Variants in ABCC8 observed in about 807,000 individuals in gnomAD.
The protein encoded by ABCC8 is ATP binding cassette subfamily C member 8.
ABCC8 carries 137 observed loss-of-function variants against 188.0 expected under a neutral mutation model. The observed-to-expected ratio is 0.73, with a 90% CI of 0.63 to 0.84. ABCC8 has a LOEUF of 0.84. Ranked by LOEUF, ABCC8 falls within the 40% of genes least tolerant of loss-of-function variation. The pLI is 0.00. For synonymous variants in ABCC8, 797 were observed against 846.5 expected, an observed-to-expected ratio of 0.94 and a Z score of 1.01; for missense variants, 1,750 against 2,072.7, an observed-to-expected ratio of 0.84 and a Z score of 3.02.
Position 17,402,766 on chromosome 11 carries a change from A to G in ABCC8, c.3558-13T>C, listed in dbSNP as rs1388407937. 6.2e-7 allele frequency: 1 copy of G among 1,614,154 alleles called. No individual in the cohort carries two copies. The highest frequency in any genetic ancestry group is 1.1e-5 in the South Asian group (1 of 91,070). On this transcript the variant is annotated splice_polypyrimidine_tract_variant and intron_variant, in intron 28 of 38. Coordinates refer to ENST00000389817, the MANE Select transcript of ABCC8 (RefSeq NM_000352.6). The stretch of plus-strand genomic sequence containing the variant: ...CTGCTGCAGGTCCCTGTGGCGGGGA[A>G]CAGAGTGGAACAGTTAAGAGGGCAG...
At chr11:17,428,024 C>G (rs1298391120) in intron 14 of ABCC8, 82 bp from the exon 15 acceptor site, 3 of 1,585,598 alleles carry the variant, frequency 1.9e-6, no homozygotes, top group Non-Finnish European at 1.7e-6. Flanking sequence ...TTCCCCTCCT[C>G]CATGAAAGCC....
chr11:17,466,494 T>C (rs116626919), intron 3 of ABCC8, among the ~76,000 whole-genome samples: 2,573 of 151,808 alleles, frequency 0.017, 79 homozygotes, highest in African/African-American at 0.06. Context: ...ATGGTGGTCG[T>C]CAGGGGCTGT....
chr11:17,421,235 G>A (rs1394813130), intron 16 of ABCC8, among the ~76,000 whole-genome samples: 4 of 152,202 alleles, frequency 2.6e-5, no homozygotes. Context: ...AATCCCTCAA[G>A]GAGCTCAGAG....
chr11:17,406,946 TTGGCCAGCCAGTAGTCGA>T lies in ABCC8; in HGVS notation c.3086_3103del (p.Ile1029_Ala1034del). ...CAGGGTCAGGGCGCTGTCGGTCCAC[TTGGCCAGCCAGTAGTCGA>T]TGGCCACCAGGACCATGTGCTTGAG... On this transcript the variant is annotated inframe_deletion, in exon 25 of 39. Coordinates refer to ENST00000389817, the MANE Select transcript of ABCC8 (RefSeq NM_000352.6). 1 of 1,614,162 alleles carries T rather than the reference TTGGCCAGCCAGTAGTCGA, an allele frequency of 6.2e-7. No homozygotes were observed. Among genetic ancestry groups the T allele is most frequent in the Non-Finnish European group, 8.5e-7 (1 of 1,180,038 alleles).
At chr11:17,441,937 G>A (rs190926428) in intron 10 of ABCC8, among the ~76,000 whole-genome samples, 167 of 152,186 alleles carry the variant, frequency 1.1e-3, no homozygotes, top group Middle Eastern at 3.4e-3. Flanking sequence ...AAAATTAGTC[G>A]GGTGTGGTGG....
intron 16 of ABCC8, among the ~76,000 whole-genome samples, chr11:17,426,609 G>A (rs1040164298): frequency 8.5e-5 from 13 of 152,108 alleles, no homozygotes; most frequent in African/African-American, 3.1e-4. Context: ...GGTCAGTGCA[G>A]CTCAGGACCA....
intron 8 of ABCC8, chr11:17,443,566 G>T: frequency 2.0e-6 from 1 of 509,298 alleles, no homozygotes. Context: ...CTGCAAGGCT[G>T]GTTGAAGCCT....
At chr11:17,412,535 T>G (rs1203046878) in intron 21 of ABCC8, 131 bp downstream of exon 21, 1 of 1,308,018 alleles carries the variant, frequency 7.6e-7, no homozygotes, top group Non-Finnish European at 1.1e-6. Context: ...TAAGGCAATA[T>G]CTCTGGCAGG....
chr11:17,465,360 C>A (rs927958107), intron 3 of ABCC8: 3 of 152,248 alleles, frequency 2.0e-5, no homozygotes, highest in African/African-American at 7.2e-5. Context: ...GTCTGCTTTG[C>A]TCTTCATTAC....
chr11:17,413,875 A>G (rs1479265164), intron 19 of ABCC8, among the ~76,000 whole-genome samples: 1 of 152,118 alleles, frequency 6.6e-6, no homozygotes, highest in African/African-American at 2.4e-5. Context: ...TTCCTCTCAT[A>G]CTTCCCCAGC....
intron 26 of ABCC8, among the ~76,000 whole-genome samples, chr11:17,406,255 G>A (rs567930399): frequency 6.6e-6 from 1 of 152,308 alleles, no homozygotes; most frequent in East Asian, 1.9e-4. Flanking sequence ...AAAACCTGAG[G>A]CTGGCTGAGG....
chr11:17,446,186 G>T (rs535912674), intron 8 of ABCC8, among the ~76,000 whole-genome samples: 2 of 151,934 alleles, frequency 1.3e-5, no homozygotes, highest in Non-Finnish European at 2.9e-5. Context: ...GGCTGGTCTC[G>T]AACTCCTGAC....
At chr11:17,430,545 TG>T (rs201099974) in intron 12 of ABCC8, 9,515 of 472,762 alleles carry the variant, frequency 0.02, 28 homozygotes, top group South Asian at 0.028. Context: ...GGCTCAACAC[TG>T]GTTTTTTTTT....
At chr11:17,393,882 C>T in intron 37 of ABCC8, 123 bp from the exon 38 acceptor site, 4 of 1,591,224 alleles carry the variant, frequency 2.5e-6, no homozygotes, top group Non-Finnish European at 3.4e-6. Context: ...CTAGTCCCAC[C>T]CCCACCCCAC....
At chr11:17,445,938 A>C (rs1446462810) in intron 8 of ABCC8, among the ~76,000 whole-genome samples, 1 of 151,378 alleles carries the variant, frequency 6.6e-6, no homozygotes, top group Non-Finnish European at 1.5e-5. Context: ...GTAACCGTGC[A>C]GCAGGTTTAG....
chr11:17,449,822 T>C (rs972970319), intron 7 of ABCC8, among the ~76,000 whole-genome samples: 2 of 152,246 alleles, frequency 1.3e-5, no homozygotes, highest in African/African-American at 4.8e-5. Context: ...TGTGAGCTAA[T>C]ATACACCATG....
At chr11:17,428,743 A>G in intron 12 of ABCC8, 73 bp from the exon 13 acceptor site, 1 of 1,592,698 alleles carries the variant, frequency 6.3e-7, no homozygotes, top group Non-Finnish European at 8.5e-7. Flanking sequence ...GCAGCCTGAT[A>G]GAGAGCTCTG....
chr11:17,427,953 C>G lies in ABCC8; in HGVS notation c.2041-11G>C. 6.2e-7 allele frequency: 1 copy of G among 1,612,748 alleles called. No homozygotes were observed. Among genetic ancestry groups the G allele is most frequent in the African/African-American group, 1.3e-5 (1 of 75,042 alleles). On this transcript the variant is annotated splice_polypyrimidine_tract_variant and intron_variant, in intron 14 of 38. Transcript: ENST00000389817. The surrounding 1 kb of genome is among the most constrained non-coding windows in gnomAD (Gnocchi z 5.0). ...GTAGCCTCCCATGATCTTCATTAGG[C>G]GTGTCCCACCGCCCAGGAGAGAACA... is the stretch of plus-strand genomic sequence containing the variant.
intron 4 of ABCC8, among the ~76,000 whole-genome samples, chr11:17,463,214 A>G (rs958857371): frequency 1.3e-5 from 2 of 151,428 alleles, no homozygotes; most frequent in Non-Finnish European, 2.9e-5. Context: ...CACACCCATC[A>G]CCCCCCTCTC....
Sources: allele counts gnomAD v4.1 joint callset (sites outside exome capture counted in the v4.1 genomes callset), GRCh38; gene constraint gnomAD v4.1.1; non-coding constraint Gnocchi (gnomAD v3.1); transcripts MANE v1.5; gene names NCBI Gene and HGNC (gene_info 2026-07-23, HGNC 2026-07-21).